Variants in CACHD1 observed in about 807,000 individuals in gnomAD.
The protein encoded by CACHD1 is VWFA and cache domain-containing protein 1.
Under a neutral mutation model 138.7 loss-of-function variants are expected in CACHD1, and 71 were observed. That is an observed-to-expected ratio of 0.51 (90% CI 0.42 to 0.62). The LOEUF is 0.62. Ranked by LOEUF, CACHD1 falls within the 20% of genes least tolerant of loss-of-function variation. The pLI, the probability that CACHD1 is intolerant of heterozygous loss-of-function variation, is 0.00. For missense variants in CACHD1, 1,389 were observed against 1,625.3 expected, an observed-to-expected ratio of 0.85 and a Z score of 2.50; for synonymous variants, 578 against 591.5, an observed-to-expected ratio of 0.98 and a Z score of 0.33.
At chr1:64,677,788 C>CT (rs989545201) in intron 22 of CACHD1, among the ~76,000 whole-genome samples, 7 of 149,428 alleles carry the variant, frequency 4.7e-5, no homozygotes, top group Admixed American at 6.7e-5. Context: ...ACTTATTGGA[C>CT]TTTTTTTTTT....
At chr1:64,557,837 C>T (rs1557492006) in intron 2 of CACHD1, among the ~76,000 whole-genome samples, 1 of 151,934 alleles carries the variant, frequency 6.6e-6, no homozygotes, top group Non-Finnish European at 1.5e-5. Context: ...CTCTCCCAGT[C>T]ACCCAGCCTG....
intron 1 of CACHD1, among the ~76,000 whole-genome samples, chr1:64,522,268 G>A (rs1430139420): frequency 6.6e-6 from 1 of 151,708 alleles, no homozygotes; most frequent in Non-Finnish European, 1.5e-5. Flanking sequence ...ATAGATGTAT[G>A]GGTTGAAACA....
chr1:64,632,823 A>G, intron 6 of CACHD1, 80 bp downstream of exon 6: 4 of 1,485,464 alleles, frequency 2.7e-6, no homozygotes, highest in Non-Finnish European at 3.7e-6. Flanking sequence ...GTTTTGTGAT[A>G]TACAGATCCT....
At position 64,664,666 on chromosome 1, in the gene CACHD1, A is replaced by T. The variant is rs761615569; in HGVS notation, c.2263A>T (p.Thr755Ser). Residue 755 changes from threonine to serine, a missense_variant, in exon 15 of 27, where the codon ACT (threonine) becomes TCT (serine). Thr to Ser is a moderately conservative substitution (Grantham distance 58). Around this residue, in one of 5 missense-constraint regions of CACHD1, gnomAD observed 1,000 missense variants for 1,114.7 expected, o/e 0.90. Transcript: ENST00000651257. ...CCTCATGGACAAAGCATTTGATCCC[A>T]CTAGGAGACAATGGTGAGTTTTAGG... is the stretch of plus-strand genomic sequence containing the variant. ...GSLMDKAFDP[T>S]RRQWYLHAVA... 1 of 1,614,138 alleles carries T rather than the reference A, an allele frequency of 6.2e-7. No individual in the cohort carries two copies. Among genetic ancestry groups the T allele is most frequent in the South Asian group, 1.1e-5 (1 of 91,048 alleles).
chr1:64,601,007 A>G (rs1250490383), intron 3 of CACHD1, among the ~76,000 whole-genome samples: 1 of 152,248 alleles, frequency 6.6e-6, no homozygotes, highest in Non-Finnish European at 1.5e-5. Flanking sequence ...CATGTTGGAC[A>G]GTGCAAATAT....
chr1:64,544,606 A>G (rs931045290), intron 1 of CACHD1, among the ~76,000 whole-genome samples: 2 of 150,594 alleles, frequency 1.3e-5, no homozygotes, highest in African/African-American at 4.9e-5. Context: ...GCGCACAAAC[A>G]CACACACACA....
intron 13 of CACHD1, 90 bp from the exon 14 acceptor site, chr1:64,663,587 CATTAAGCCACCATAGCTG>C: frequency 8.9e-7 from 1 of 1,128,732 alleles, no homozygotes; most frequent in Non-Finnish European, 1.3e-6. Flanking sequence ...AAAAAAAAGA[CATTAAGCCACCATAGCTG>C]ACAGATTGGC....
At chr1:64,516,202 C>T (rs1646458046) in intron 1 of CACHD1, among the ~76,000 whole-genome samples, 2 of 152,108 alleles carry the variant, frequency 1.3e-5, no homozygotes, top group African/African-American at 4.8e-5. Context: ...TATACCTGTC[C>T]GTTTAACATT....
intron 2 of CACHD1, among the ~76,000 whole-genome samples, chr1:64,556,474 G>A (rs1646797955): frequency 6.6e-6 from 1 of 152,110 alleles, no homozygotes; most frequent in South Asian, 2.1e-4. Context: ...TTGGGTTAAT[G>A]AAAATTAGAT....
At chr1:64,565,452 A>G (rs11208466) in intron 2 of CACHD1, among the ~76,000 whole-genome samples, 130,095 of 152,154 alleles carry the variant, frequency 0.86, 56,942 homozygotes, top group East Asian at 0.99. Flanking sequence ...GTTCTGTCCA[A>G]CCAGAGCCCT....
At chr1:64,561,231 A>C (rs569104124) in intron 2 of CACHD1, among the ~76,000 whole-genome samples, 1 of 151,024 alleles carries the variant, frequency 6.6e-6, no homozygotes, top group Non-Finnish European at 1.5e-5. Context: ...TTAATATTCT[A>C]TCAACTTCAC....
intron 1 of CACHD1, among the ~76,000 whole-genome samples, chr1:64,485,677 C>A (rs1447353859): frequency 7.2e-5 from 11 of 152,094 alleles, no homozygotes; most frequent in Non-Finnish European, 1.5e-4. Context: ...ACCTCCTGGA[C>A]TCAAGTGATC....
rs1442476525 is a variant in CACHD1 at position 64,692,074 on chromosome 1, C to G, written c.*513C>G. ...TCATGTTATGCTCTAAACGATGCAT[C>G]TCAGAATTTCTAAGTAAAGGATTAT... is the stretch of plus-strand genomic sequence containing the variant. On this transcript the variant is annotated 3_prime_UTR_variant, in exon 27 of 27. Transcript: ENST00000651257. 1 of 154,464 alleles carries G rather than the reference C, an allele frequency of 6.5e-6. No individual in the cohort carries two copies. The allele number at this position is 154,464 out of a possible 1,614,324, so 9.6% of individuals were successfully genotyped here.
intron 3 of CACHD1, among the ~76,000 whole-genome samples, chr1:64,590,400 C>CT (rs1203295127): frequency 6.7e-6 from 1 of 148,890 alleles, no homozygotes; most frequent in Non-Finnish European, 1.5e-5. Flanking sequence ...TTGAGTAATT[C>CT]TTTTTTCCCT....
chr1:64,587,546 T>C (rs1647060127), intron 3 of CACHD1, among the ~76,000 whole-genome samples: 1 of 152,220 alleles, frequency 6.6e-6, no homozygotes, highest in Admixed American at 6.5e-5. Context: ...TTAATTATTC[T>C]GCACAAGACG....
chr1:64,639,020 G>A (rs903271971), intron 7 of CACHD1, among the ~76,000 whole-genome samples: 8 of 152,160 alleles, frequency 5.3e-5, no homozygotes, highest in Non-Finnish European at 8.8e-5. Flanking sequence ...AGCAGCTCAA[G>A]GGCTGCTAGC....
intron 2 of CACHD1, among the ~76,000 whole-genome samples, chr1:64,576,630 G>T (rs1328378254): frequency 6.6e-6 from 1 of 152,188 alleles, no homozygotes. Context: ...ACCCCCAGTA[G>T]TCAAGAGACT....
chr1:64,610,918 G>A (rs1021008747), intron 4 of CACHD1, among the ~76,000 whole-genome samples: 3 of 152,198 alleles, frequency 2.0e-5, no homozygotes, highest in Non-Finnish European at 2.9e-5. Flanking sequence ...GGACATCCAG[G>A]TGTTTCCATA....
intron 16 of CACHD1, among the ~76,000 whole-genome samples, chr1:64,667,235 T>C (rs1191802015): frequency 6.6e-6 from 1 of 152,218 alleles, no homozygotes; most frequent in East Asian, 1.9e-4. Flanking sequence ...GACTGGTACC[T>C]GTAATGATGC....
Sources: gnomAD v4.1 joint callset for allele counts (sites outside exome capture counted in the v4.1 genomes callset) on GRCh38, gnomAD v4.1.1 for gene constraint, gnomAD v4.1.1 regional missense constraint, MANE v1.5 for transcripts, NCBI Gene and HGNC (gene_info 2026-07-23, HGNC 2026-07-21) for gene names.